EIF4G3: variants seen among roughly 807,000 people sequenced by gnomAD.
The protein encoded by EIF4G3 is eIF-4-gamma 3.
In EIF4G3, 34 loss-of-function variants were observed where a neutral mutation model predicts 186.4. That is an observed-to-expected ratio of 0.18 (90% CI 0.14 to 0.24). EIF4G3 has a LOEUF of 0.24. Ranked by LOEUF, EIF4G3 falls within the 10% of genes least tolerant of loss-of-function variation. The pLI is 1.00. For synonymous variants in EIF4G3, 673 were observed against 679.5 expected (o/e 0.99, Z 0.15); for missense variants, 1,536 against 1,948.5 (o/e 0.79, Z 3.99).
chr1:21,135,818 C>G (rs1041873657), intron 2 of EIF4G3, among the ~76,000 whole-genome samples: 1 of 152,210 alleles, frequency 6.6e-6, no homozygotes, highest in Non-Finnish European at 1.5e-5. Flanking sequence ...CTGTTATCAA[C>G]AGAAAGACTT....
At chr1:20,984,544 TTA>T (rs756259591) in intron 7 of EIF4G3, among the ~76,000 whole-genome samples, 17 of 145,008 alleles carry the variant, frequency 1.2e-4, no homozygotes, top group African/African-American at 4.4e-4. Context: ...AACCTAAGCA[TTA>T]TATATATATA....
chr1:21,072,247 C>A (rs61779073), intron 3 of EIF4G3, among the ~76,000 whole-genome samples: 50,401 of 151,978 alleles, frequency 0.33, 9,134 homozygotes, highest in Non-Finnish European at 0.41. Flanking sequence ...AAAAGCAACA[C>A]CACTGGCTGG....
chr1:20,847,520 T>C (rs971649058), intron 29 of EIF4G3, among the ~76,000 whole-genome samples: 1 of 152,216 alleles, frequency 6.6e-6, no homozygotes, highest in Non-Finnish European at 1.5e-5. Flanking sequence ...GGGTTATTCA[T>C]TGACTTTGTA....
chr1:20,834,481 C>T (rs185835062), intron 30 of EIF4G3, among the ~76,000 whole-genome samples: 22 of 151,988 alleles, frequency 1.4e-4, no homozygotes, highest in African/African-American at 4.8e-4. Context: ...CAACCATATG[C>T]TGCTTATAAG....
chr1:20,891,500 C>T (rs550056792), intron 18 of EIF4G3, among the ~76,000 whole-genome samples: 1 of 151,566 alleles, frequency 6.6e-6, no homozygotes, highest in East Asian at 1.9e-4. Flanking sequence ...GGGCCGGGCA[C>T]AGTGGCTCAC....
chr1:20,898,980 T>C (rs2089412928), intron 16 of EIF4G3, among the ~76,000 whole-genome samples: 3 of 152,220 alleles, frequency 2.0e-5, no homozygotes, highest in Admixed American at 6.5e-5. Flanking sequence ...TCCGCCCGCC[T>C]CGGCCTCCCT....
At chr1:21,125,988 G>C (rs1253765891) in intron 2 of EIF4G3, among the ~76,000 whole-genome samples, 1 of 151,438 alleles carries the variant, frequency 6.6e-6, no homozygotes, top group African/African-American at 2.4e-5. Context: ...AGGATCACTT[G>C]AGTCCAGGAG....
intron 2 of EIF4G3, among the ~76,000 whole-genome samples, chr1:21,140,192 A>AGTTTATATTTATTCAGCT (rs2097313430): frequency 6.6e-6 from 1 of 152,250 alleles, no homozygotes; most frequent in Non-Finnish European, 1.5e-5. Flanking sequence ...ACACAATAAC[A>AGTTTATATTTATTCAGCT]AAATCATCAT....
intron 20 of EIF4G3, among the ~76,000 whole-genome samples, chr1:20,873,423 A>T (rs968969493): frequency 2.0e-5 from 3 of 152,228 alleles, no homozygotes; most frequent in African/African-American, 7.2e-5. Context: ...CAGCTTTAGT[A>T]TATAATGCTA....
intron 11 of EIF4G3, among the ~76,000 whole-genome samples, chr1:20,971,139 G>T (rs1249041370): frequency 1.3e-5 from 2 of 152,176 alleles, no homozygotes; most frequent in Non-Finnish European, 2.9e-5. Context: ...GGAGGTAAGT[G>T]TCTGCGACTA....
chr1:21,153,047 T>A (rs2097577101), intron 2 of EIF4G3, among the ~76,000 whole-genome samples: 1 of 152,182 alleles, frequency 6.6e-6, no homozygotes, highest in African/African-American at 2.4e-5. Flanking sequence ...GCTCCAAAGT[T>A]CCCTCCTTTC....
chr1:21,078,630 T>C (rs1305377897), intron 3 of EIF4G3, among the ~76,000 whole-genome samples: 1 of 152,240 alleles, frequency 6.6e-6, no homozygotes, highest in East Asian at 1.9e-4. Flanking sequence ...GATAAATATT[T>C]GAGGTGATAA....
intron 34 of EIF4G3, among the ~76,000 whole-genome samples, chr1:20,813,763 T>C (rs1011731042): frequency 1.3e-4 from 20 of 151,230 alleles, no homozygotes; most frequent in African/African-American, 4.9e-4. Flanking sequence ...GGAGAATCGT[T>C]TGAACCTGGG....
intron 4 of EIF4G3, among the ~76,000 whole-genome samples, chr1:21,010,718 C>CT (rs1188095114): frequency 6.6e-6 from 1 of 152,160 alleles, no homozygotes; most frequent in African/African-American, 2.4e-5. Flanking sequence ...CCATGTTTTG[C>CT]TTTTATGAGT....
chr1:21,009,717 C>T (rs1006016658), intron 4 of EIF4G3, among the ~76,000 whole-genome samples: 4 of 151,990 alleles, frequency 2.6e-5, no homozygotes, highest in Admixed American at 6.6e-5. Flanking sequence ...TGCAGTGGCA[C>T]GATCTCGGCT....
intron 2 of EIF4G3, among the ~76,000 whole-genome samples, chr1:21,152,452 T>TAA (rs562452907): frequency 1.4e-5 from 2 of 139,624 alleles, no homozygotes; most frequent in Non-Finnish European, 3.1e-5. Context: ...TTGCTAACAC[T>TAA]AAAAAAAAAA....
chr1:20,998,820 T>C (rs1387417337), intron 6 of EIF4G3: 3 of 421,618 alleles, frequency 7.1e-6, no homozygotes, highest in Non-Finnish European at 1.4e-5. Context: ...GAAAGCAGTG[T>C]TTAATGTAAA....
In EIF4G3 at chr1:21,116,509, A is replaced by G. The variant is rs544777843; in HGVS notation, c.-271-27296T>C. ...TAAATAAGACACAGATTCGGATATT[A>G]GGATCAACAAAATCCTCCAAAATCT... On this transcript the variant is annotated intron_variant, in intron 2 of 36. Transcript: ENST00000602326. 4.6e-5 allele frequency among the ~76,000 whole-genome samples: 7 copies of G among 152,256 alleles called. No homozygotes were observed. The South Asian group carries it at 1.0e-3, about 23-fold the overall frequency.
rs753035646 is a variant in EIF4G3 at position 20,827,627 on chromosome 1, C to A, written c.4259G>T (p.Cys1420Phe). 2 of 1,605,686 alleles carry A rather than the reference C, an allele frequency of 1.2e-6. No individual in the cohort carries two copies. The highest frequency in any genetic ancestry group is 1.7e-6 in the Non-Finnish European group (2 of 1,172,892). Residue 1420 changes from cysteine to phenylalanine, a missense_variant, in exon 32 of 37, where the codon TGC becomes TTC. By Grantham distance (205) the Cys-to-Phe change is radical. Transcript: ENST00000602326. ...VLLSEILHLL[C>F]KQMSHKKVGA... The stretch of plus-strand genomic sequence containing the variant: ...CAGTGTAACACTCACCATTTGTTTG[C>A]ATAGTAGGTGCAATATTTCAGATAG...
Sources: gnomAD v4.1 joint callset for allele counts (sites outside exome capture counted in the v4.1 genomes callset) on GRCh38, gnomAD v4.1.1 for gene constraint, MANE v1.5 for transcripts, NCBI Gene and HGNC (gene_info 2026-07-23, HGNC 2026-07-21) for gene names.